RAI14: variants seen among roughly 807,000 people sequenced by gnomAD.
RAI14 encodes retinoic acid induced 14.
Under a neutral mutation model 115.4 loss-of-function variants are expected in RAI14, and 45 were observed. That is an observed-to-expected ratio of 0.39 (90% CI 0.31 to 0.50). The LOEUF (loss-of-function observed/expected upper bound fraction) is 0.50. Among genes scored for constraint, RAI14 ranks in the 20% least tolerant of loss-of-function variants. The pLI is 0.85. For missense variants in RAI14, 939 were observed against 1,131.2 expected (o/e 0.83, Z 2.44); for synonymous variants, 371 against 415.4 (o/e 0.89, Z 1.30).
intron 2 of RAI14, among the ~76,000 whole-genome samples, chr5:34,724,066 G>A (rs1743147985): frequency 6.6e-6 from 1 of 152,108 alleles, no homozygotes; most frequent in African/African-American, 2.4e-5. Flanking sequence ...GCCCAGGCTG[G>A]AGTGCGGTGG....
At chr5:34,667,523 C>T (rs2149849576) in intron 1 of RAI14, 1 of 152,322 alleles carries the variant, frequency 6.6e-6, no homozygotes, top group Admixed American at 6.5e-5. Flanking sequence ...AGGTATGAGC[C>T]ACCATGCCCT....
At chr5:34,734,352 G>A (rs1744587777) in intron 2 of RAI14, among the ~76,000 whole-genome samples, 1 of 152,188 alleles carries the variant, frequency 6.6e-6, no homozygotes, top group Non-Finnish European at 1.5e-5. Context: ...GGTATTAGCA[G>A]GGCTACCTCT....
At chr5:34,690,674 G>A (rs1738475232) in intron 2 of RAI14, among the ~76,000 whole-genome samples, 1 of 152,212 alleles carries the variant, frequency 6.6e-6, no homozygotes. Flanking sequence ...TCTGCGGGCT[G>A]TGGTTAGACA....
At chr5:34,774,451 G>A (rs1268068099) in intron 3 of RAI14, among the ~76,000 whole-genome samples, 3 of 152,000 alleles carry the variant, frequency 2.0e-5, no homozygotes, top group African/African-American at 4.8e-5. Context: ...AAAATCAGTA[G>A]CATTTCTATA....
At chr5:34,693,490 T>A (rs1738878905) in intron 2 of RAI14, among the ~76,000 whole-genome samples, 2 of 152,250 alleles carry the variant, frequency 1.3e-5, no homozygotes, top group African/African-American at 4.8e-5. Context: ...TCTCATGTAC[T>A]GAATGCTCAC....
At chr5:34,691,313 T>C (rs1162030958) in intron 2 of RAI14, among the ~76,000 whole-genome samples, 1 of 152,236 alleles carries the variant, frequency 6.6e-6, no homozygotes, top group African/African-American at 2.4e-5. Context: ...AGAAGAATAC[T>C]ATATAAAGTT....
At chr5:34,801,559 T>C (rs532825452) in intron 4 of RAI14, among the ~76,000 whole-genome samples, 246 of 152,118 alleles carry the variant, frequency 1.6e-3, no homozygotes, top group Middle Eastern at 3.4e-3. Flanking sequence ...CTGGCCAACA[T>C]GGTGAAACCC....
At chr5:34,707,697 T>A (rs1399558693) in intron 2 of RAI14, among the ~76,000 whole-genome samples, 1 of 152,216 alleles carries the variant, frequency 6.6e-6, no homozygotes, top group East Asian at 1.9e-4. Flanking sequence ...GTCTCCCCAG[T>A]ACCTCGTCAA....
Position 34,823,497 on chromosome 5 carries a change from A to G in RAI14, c.1655A>G (p.Lys552Arg). The G allele has an allele frequency of 6.2e-7, 1 of 1,614,124 alleles. No individual in the cohort carries two copies. Among genetic ancestry groups the G allele is most frequent in the Middle Eastern group, 1.6e-4 (1 of 6,062 alleles). Reference sequence around the variant, plus strand: ...GAAGAAAGTGAAAGAAATAAAGAGAAAGTGAGAGAGTTAGAGGAAAAACTG... The same window carrying G: ...GAAGAAAGTGAAAGAAATAAAGAGAGAGTGAGAGAGTTAGAGGAAAAACTG... ...ALEESERNKE[K>R]VRELEEKLVE... The change falls in exon 15 of 18, where the codon AAA becomes AGA. Residue 552 changes from lysine to arginine, a missense_variant. Physicochemically the swap from Lys to Arg is conservative, Grantham distance 26. Transcript: ENST00000265109. This position sits in a 1 kb window ranked among gnomAD's most constrained non-coding sequence, Gnocchi z 4.5.
chr5:34,781,121 C>T (rs1213235782), intron 3 of RAI14, among the ~76,000 whole-genome samples: 1 of 144,856 alleles, frequency 6.9e-6, no homozygotes, highest in Non-Finnish European at 1.5e-5. Context: ...ATCACAAGGA[C>T]AAAAAAAACC....
chr5:34,693,343 C>A (rs1403269758), intron 2 of RAI14, among the ~76,000 whole-genome samples: 1 of 152,184 alleles, frequency 6.6e-6, no homozygotes, highest in Non-Finnish European at 1.5e-5. Flanking sequence ...CTCCACTGTT[C>A]ATCCTTGGGA....
intron 2 of RAI14, 22 bp from the exon 3 acceptor site, chr5:34,757,446 T>G (rs572319325): frequency 1.2e-6 from 2 of 1,611,772 alleles, no homozygotes; most frequent in South Asian, 2.2e-5. Flanking sequence ...TCATGACCTC[T>G]GTTTCTTCTC....
chr5:34,820,566 C>T (rs1356624330), intron 13 of RAI14, among the ~76,000 whole-genome samples: 1 of 152,154 alleles, frequency 6.6e-6, no homozygotes, highest in African/African-American at 2.4e-5. Context: ...GAGCCGAGAT[C>T]GTGCCACTGC....
chr5:34,744,129 CT>C (rs1229888205), intron 2 of RAI14, among the ~76,000 whole-genome samples: 1 of 152,208 alleles, frequency 6.6e-6, no homozygotes, highest in African/African-American at 2.4e-5. Context: ...GCCAGGAATA[CT>C]TTTGGAGTGT....
chr5:34,727,573 C>T (rs1219111535), intron 2 of RAI14, among the ~76,000 whole-genome samples: 2 of 152,152 alleles, frequency 1.3e-5, no homozygotes, highest in African/African-American at 4.8e-5. Flanking sequence ...AGGCCTGGGG[C>T]CCCCTTGCTG....
At chr5:34,779,811 G>C (rs1484533355) in intron 3 of RAI14, among the ~76,000 whole-genome samples, 1 of 152,004 alleles carries the variant, frequency 6.6e-6, no homozygotes, top group Admixed American at 6.6e-5. Context: ...AATTTATAGA[G>C]TCATTGCCAT....
intron 2 of RAI14, among the ~76,000 whole-genome samples, chr5:34,725,358 T>C (rs1432094461): frequency 6.6e-6 from 1 of 152,020 alleles, no homozygotes; most frequent in African/African-American, 2.4e-5. Context: ...AAAAAAAGAA[T>C]TGAATTTTCA....
In RAI14 at chr5:34,747,576, T is replaced by C. The variant is rs568183027; in HGVS notation, c.37-9892T>C. Among the ~76,000 whole-genome samples, 8 of 152,294 alleles carry C rather than the reference T, an allele frequency of 5.3e-5. No homozygotes were observed. The South Asian group carries it at 1.7e-3, about 32-fold the overall frequency. ...ATAATGAATATAAGTAAATGAGTAG[T>C]TGAAACCAATAGAATTGGATGGGAT... On this transcript the variant is annotated intron_variant, in intron 2 of 17. Transcript: ENST00000265109.
intron 1 of RAI14, among the ~76,000 whole-genome samples, chr5:34,662,920 G>A (rs561878118): frequency 6.6e-6 from 1 of 151,478 alleles, no homozygotes; most frequent in Non-Finnish European, 1.5e-5. Flanking sequence ...GTAGAGATGG[G>A]GTTTCATGTT....
Sources: gnomAD v4.1 joint callset for allele counts (sites outside exome capture counted in the v4.1 genomes callset) on GRCh38, gnomAD v4.1.1 for gene constraint, Gnocchi (gnomAD v3.1) non-coding constraint, MANE v1.5 for transcripts, NCBI Gene and HGNC (gene_info 2026-07-23, HGNC 2026-07-21) for gene names.